The following IPCEF1 variants were observed in gnomAD, a reference collection of about 807,000 sequenced individuals.
The protein encoded by IPCEF1 is interaction protein for cytohesin exchange factors 1, also known as interactor protein for cytohesin exchange factors 1.
Under a neutral mutation model 50.9 loss-of-function variants are expected in IPCEF1, and 31 were observed. The observed-to-expected ratio is 0.61, with a 90% CI of 0.46 to 0.82. The LOEUF is 0.82. Ranked by LOEUF, IPCEF1 falls within the 40% of genes least tolerant of loss-of-function variation. The probability of loss-of-function intolerance (pLI) is 0.00; values close to 1 mark genes in which losing one functional copy is unlikely to be tolerated. For synonymous variants in IPCEF1, 181 were observed against 192.0 expected (o/e 0.94, Z 0.47); for missense variants, 458 against 514.0 (o/e 0.89, Z 1.05).
intron 5 of IPCEF1, among the ~76,000 whole-genome samples, chr6:154,243,476 A>G (rs1286347484): frequency 6.6e-6 from 1 of 152,212 alleles, no homozygotes; most frequent in Non-Finnish European, 1.5e-5. Context: ...AAGGTAGACT[A>G]TGCATTGGGT....
At chr6:154,285,448 A>G in intron 2 of IPCEF1, among the ~76,000 whole-genome samples, 1 of 152,196 alleles carries the variant, frequency 6.6e-6, no homozygotes. Context: ...ATTGGATTCT[A>G]TTTTTTAGAA....
intron 10 of IPCEF1, among the ~76,000 whole-genome samples, chr6:154,186,908 G>C (rs965279390): frequency 2.0e-5 from 3 of 152,082 alleles, no homozygotes; most frequent in African/African-American, 7.2e-5. Flanking sequence ...TCCCTGCAGA[G>C]GGAACCCTGC....
At chr6:154,203,224 C>T (rs150809279) in intron 9 of IPCEF1, among the ~76,000 whole-genome samples, 1 of 152,172 alleles carries the variant, frequency 6.6e-6, no homozygotes, top group Non-Finnish European at 1.5e-5. Flanking sequence ...CTCTCCGCCC[C>T]ACCTCTACTG....
intron 1 of IPCEF1, among the ~76,000 whole-genome samples, chr6:154,299,802 G>A (rs1782747614): frequency 7.2e-6 from 1 of 139,220 alleles, no homozygotes; most frequent in African/African-American, 2.6e-5. Flanking sequence ...TGGATAGAGG[G>A]ATGGATAAAA....
intron 3 of IPCEF1, among the ~76,000 whole-genome samples, chr6:154,254,119 T>G (rs1454754959): frequency 6.6e-6 from 1 of 152,236 alleles, no homozygotes; most frequent in Non-Finnish European, 1.5e-5. Flanking sequence ...CTTTTTTTAA[T>G]TTCTAAATTC....
At chr6:154,328,992 A>G (rs1021894944) in intron 1 of IPCEF1, among the ~76,000 whole-genome samples, 1 of 152,238 alleles carries the variant, frequency 6.6e-6, no homozygotes, top group Non-Finnish European at 1.5e-5. Flanking sequence ...AAAAAAATTT[A>G]TATCTTTTTT....
chr6:154,221,363 T>C, intron 6 of IPCEF1, 35 bp from the exon 7 acceptor site: 1 of 1,523,756 alleles, frequency 6.6e-7, no homozygotes, highest in Non-Finnish European at 9.1e-7. Flanking sequence ...CATAAAAAAT[T>C]AGTGTTTATA....
intron 5 of IPCEF1, among the ~76,000 whole-genome samples, chr6:154,232,035 C>T (rs1034213701): frequency 6.6e-6 from 1 of 152,126 alleles, no homozygotes; most frequent in Non-Finnish European, 1.5e-5. Context: ...ATCATTTTTA[C>T]ATAGTCTTGG....
chr6:154,296,913 G>A (rs1782678796), intron 1 of IPCEF1, among the ~76,000 whole-genome samples: 1 of 151,998 alleles, frequency 6.6e-6, no homozygotes, highest in Non-Finnish European at 1.5e-5. Flanking sequence ...AAGTGAGAAA[G>A]GCTGACAGGG....
intron 2 of IPCEF1, among the ~76,000 whole-genome samples, chr6:154,286,983 A>G (rs1481682902): frequency 1.3e-5 from 2 of 152,194 alleles, no homozygotes; most frequent in Non-Finnish European, 2.9e-5. Context: ...CCTTGTTCTC[A>G]TGACAGTGAG....
intron 3 of IPCEF1, among the ~76,000 whole-genome samples, chr6:154,261,847 A>T (rs2128652196): frequency 6.6e-6 from 1 of 152,228 alleles, no homozygotes; most frequent in South Asian, 2.1e-4. Flanking sequence ...TATGCTCCTC[A>T]TCTTTATACC....
intron 7 of IPCEF1, among the ~76,000 whole-genome samples, chr6:154,214,770 G>C (rs1448666445): frequency 6.6e-6 from 1 of 152,128 alleles, no homozygotes; most frequent in East Asian, 1.9e-4. Flanking sequence ...AATTTAACAG[G>C]TATTTTTAAA....
chr6:154,243,599 T>A (rs116800284), intron 5 of IPCEF1, among the ~76,000 whole-genome samples: 1,620 of 152,296 alleles, frequency 0.011, 30 homozygotes, highest in African/African-American at 0.037. Flanking sequence ...TGAGATCACA[T>A]GTAATTTCAA....
Position 154,199,991 on chromosome 6 carries a change from T to C in IPCEF1, c.587A>G (p.Tyr196Cys), listed in dbSNP as rs752204382. ...TGTATTTTCCAGGGAAGAGAAAGAA[T>C]ACGACGTTCCACTCAGGCTGGGTGA... is the stretch of plus-strand genomic sequence containing the variant. ...SSSPSLSGTS[Y>C]SFSSLENTVK... The change falls in exon 10 of 12, where the codon TAT becomes TGT. Residue 196 changes from tyrosine to cysteine, a missense_variant. By Grantham distance (194) the Tyr-to-Cys change is radical. Transcript: ENST00000367220. The C allele has an allele frequency of 2.1e-5, 34 of 1,614,074 alleles. No individual in the cohort carries two copies. Among genetic ancestry groups the C allele is most frequent in the Non-Finnish European group, 2.9e-5 (34 of 1,180,024 alleles).
chr6:154,269,800 A>G (rs527800099), intron 2 of IPCEF1, among the ~76,000 whole-genome samples: 1 of 152,362 alleles, frequency 6.6e-6, no homozygotes, highest in South Asian at 2.1e-4. Context: ...AATTAGGAAA[A>G]GAAATGAGGG....
chr6:154,320,827 C>T (rs1783354472), intron 1 of IPCEF1, among the ~76,000 whole-genome samples: 1 of 152,042 alleles, frequency 6.6e-6, no homozygotes, highest in Non-Finnish European at 1.5e-5. Flanking sequence ...GGCAACATAG[C>T]AAGACCTCAC....
intron 1 of IPCEF1, among the ~76,000 whole-genome samples, chr6:154,303,758 C>A (rs1454739818): frequency 6.6e-6 from 1 of 151,868 alleles, no homozygotes; most frequent in Non-Finnish European, 1.5e-5. Flanking sequence ...CTTCTCTCTG[C>A]AAAAAAATTA....
At chr6:154,284,773 G>A (rs745994600) in intron 2 of IPCEF1, among the ~76,000 whole-genome samples, 5 of 152,152 alleles carry the variant, frequency 3.3e-5, no homozygotes, top group African/African-American at 7.2e-5. Flanking sequence ...AGGCCGAGGC[G>A]GGTGGACCAC....
At chr6:154,293,579 A>C (rs1583955929) in intron 1 of IPCEF1, among the ~76,000 whole-genome samples, 1 of 152,258 alleles carries the variant, frequency 6.6e-6, no homozygotes, top group East Asian at 1.9e-4. Context: ...GTGTGATATT[A>C]TTGTTACTGT....
Sources: allele counts gnomAD v4.1 joint callset (sites outside exome capture counted in the v4.1 genomes callset), GRCh38; gene constraint gnomAD v4.1.1; transcripts MANE v1.5; gene names NCBI Gene and HGNC (gene_info 2026-07-23, HGNC 2026-07-21).